NALF1: variants seen among roughly 807,000 people sequenced by gnomAD.
NALF1 encodes the protein family with sequence similarity 155 member A.
Under a neutral mutation model 48.4 loss-of-function variants are expected in NALF1, and 3 were observed. That is an observed-to-expected ratio of 0.06 (90% confidence interval 0.03 to 0.16). NALF1 has a LOEUF of 0.16. NALF1 is among the 10% of genes least tolerant of loss of function. The pLI is 1.00. For missense variants in NALF1, 526 were observed against 571.5 expected (o/e 0.92, Z 0.81); for synonymous variants, 262 against 245.7 (o/e 1.07, Z -0.62).
At chr13:107,782,924 G>C (rs1877947257) in intron 1 of NALF1, among the ~76,000 whole-genome samples, 2 of 151,060 alleles carry the variant, frequency 1.3e-5, no homozygotes, top group South Asian at 4.2e-4. Flanking sequence ...AGGGAGGTGG[G>C]GGTCACCCCC....
intron 1 of NALF1, among the ~76,000 whole-genome samples, chr13:107,420,112 G>A (rs1884160409): frequency 6.6e-6 from 1 of 152,102 alleles, no homozygotes; most frequent in Non-Finnish European, 1.5e-5. Flanking sequence ...CAATTTCAGT[G>A]TTCCCCAGAG....
intron 1 of NALF1, among the ~76,000 whole-genome samples, chr13:107,532,615 AG>A (rs1438373398): frequency 2.9e-4 from 44 of 152,096 alleles, no homozygotes; most frequent in African/African-American, 1.0e-3. Context: ...TATTACATGA[AG>A]TTTTTATATA....
chr13:107,707,063 C>A (rs1411957482), intron 1 of NALF1, among the ~76,000 whole-genome samples: 2 of 148,748 alleles, frequency 1.3e-5, no homozygotes, highest in African/African-American at 4.9e-5. Context: ...GCTGGGACTA[C>A]AGGCGCCCGC....
chr13:107,661,362 C>A (rs758233658), intron 1 of NALF1, among the ~76,000 whole-genome samples: 3 of 152,130 alleles, frequency 2.0e-5, no homozygotes, highest in African/African-American at 7.2e-5. Flanking sequence ...AAAGCATATG[C>A]CTTATTGTTA....
At chr13:107,785,043 GGTGT>G (rs1359055278) in intron 1 of NALF1, among the ~76,000 whole-genome samples, 1 of 151,478 alleles carries the variant, frequency 6.6e-6, no homozygotes, top group African/African-American at 2.4e-5. Context: ...GATAAACTGT[GGTGT>G]GTGTGTATGT....
At chr13:107,196,268 AACAAACC>A (rs2138789348) in intron 2 of NALF1, among the ~76,000 whole-genome samples, 1 of 152,328 alleles carries the variant, frequency 6.6e-6, no homozygotes, top group South Asian at 2.1e-4. Flanking sequence ...TTACCTATAT[AACAAACC>A]CATGCATGTA....
intron 1 of NALF1, among the ~76,000 whole-genome samples, chr13:107,521,681 G>C (rs1170251758): frequency 2.6e-5 from 4 of 151,940 alleles, no homozygotes; most frequent in African/African-American, 7.2e-5. Flanking sequence ...GCTTCAAGAG[G>C]AGTTGCTCTC....
At chr13:107,299,008 T>C (rs931440850) in intron 1 of NALF1, among the ~76,000 whole-genome samples, 2 of 152,324 alleles carry the variant, frequency 1.3e-5, no homozygotes, top group East Asian at 1.9e-4. Flanking sequence ...TTAGTTTTTA[T>C]GTATGTCTTA....
chr13:107,701,059 G>A (rs915898094), intron 1 of NALF1, among the ~76,000 whole-genome samples: 1 of 152,124 alleles, frequency 6.6e-6, no homozygotes, highest in African/African-American at 2.4e-5. Flanking sequence ...TACAGCCATT[G>A]TGAAAAGCAG....
At chr13:107,620,296 T>A (rs184919799) in intron 1 of NALF1, among the ~76,000 whole-genome samples, 1 of 152,272 alleles carries the variant, frequency 6.6e-6, no homozygotes, top group Admixed American at 6.5e-5. Context: ...CTTAAAGCCA[T>A]CAACATCTGA....
At chr13:107,777,023 T>C (rs1877753425) in intron 1 of NALF1, among the ~76,000 whole-genome samples, 1 of 151,888 alleles carries the variant, frequency 6.6e-6, no homozygotes, top group African/African-American at 2.4e-5. Flanking sequence ...GCCCAGGAGG[T>C]TGAAGCTTCA....
chr13:107,472,862 C>A (rs867101946), intron 1 of NALF1, among the ~76,000 whole-genome samples: 1 of 152,204 alleles, frequency 6.6e-6, no homozygotes. Flanking sequence ...CCTTAATAAA[C>A]TCCCTTTCAT....
At chr13:107,646,537 C>G (rs1394281008) in intron 1 of NALF1, among the ~76,000 whole-genome samples, 1 of 152,112 alleles carries the variant, frequency 6.6e-6, no homozygotes, top group Non-Finnish European at 1.5e-5. Flanking sequence ...CGACCAGTGA[C>G]TCAACGCATT....
At chr13:107,833,917 A>G (rs1172775050) in intron 1 of NALF1, among the ~76,000 whole-genome samples, 1 of 152,120 alleles carries the variant, frequency 6.6e-6, no homozygotes, top group Admixed American at 6.5e-5. Context: ...TAATATATAA[A>G]TTTGTAAAAC....
chr13:107,793,077 G>A (rs971571807), intron 1 of NALF1, among the ~76,000 whole-genome samples: 2 of 152,046 alleles, frequency 1.3e-5, no homozygotes, highest in African/African-American at 4.8e-5. Context: ...CTTTTATTTG[G>A]TAAGATCCAA....
chr13:107,634,707 G>C (rs1390168169), intron 1 of NALF1, among the ~76,000 whole-genome samples: 1 of 152,032 alleles, frequency 6.6e-6, no homozygotes, highest in African/African-American at 2.4e-5. Flanking sequence ...AAGGAGCAGA[G>C]GCAGAACTGC....
intron 1 of NALF1, among the ~76,000 whole-genome samples, chr13:107,585,990 C>G (rs565253879): frequency 5.6e-4 from 85 of 152,206 alleles, no homozygotes; most frequent in African/African-American, 1.9e-3. Flanking sequence ...TCTGCACCAT[C>G]TAATGTGAAA....
chr13:107,682,162 C>T (rs1015031367), intron 1 of NALF1, among the ~76,000 whole-genome samples: 3 of 152,166 alleles, frequency 2.0e-5, no homozygotes, highest in African/African-American at 7.2e-5. Context: ...TCTTCAGGCC[C>T]GCATTGATTC....
intron 1 of NALF1, among the ~76,000 whole-genome samples, chr13:107,661,141 T>G (rs142362668): frequency 1.3e-5 from 2 of 152,180 alleles, no homozygotes; most frequent in Non-Finnish European, 2.9e-5. Context: ...CTAGGAACTT[T>G]CAAAAAACAT....
Sources: allele counts gnomAD v4.1 joint callset (sites outside exome capture counted in the v4.1 genomes callset), GRCh38; gene constraint gnomAD v4.1.1; transcripts MANE v1.5; gene names NCBI Gene and HGNC (gene_info 2026-07-23, HGNC 2026-07-21).